The following LHX4 variants were observed in gnomAD, a reference collection of about 807,000 sequenced individuals.
LHX4 encodes the protein LIM/homeobox protein Lhx4.
In LHX4, 16 loss-of-function variants were observed where a neutral mutation model predicts 39.2. That is an observed-to-expected ratio of 0.41 (90% confidence interval 0.28 to 0.62). The LOEUF (loss-of-function observed/expected upper bound fraction) is 0.62, where lower values mean the gene tolerates loss of function less well. Ranked by LOEUF, LHX4 falls within the 20% of genes least tolerant of loss-of-function variation. The pLI is 0.33. For missense variants in LHX4, 439 were observed against 511.9 expected, an observed-to-expected ratio of 0.86 and a Z score of 1.37; for synonymous variants, 206 against 198.1, an observed-to-expected ratio of 1.04 and a Z score of -0.33.
chr1:180,274,528 T>C lies in LHX4; in HGVS notation c.1122T>C (p.Phe374=). 6.2e-7 allele frequency: 1 copy of C among 1,605,788 alleles called. No homozygotes were observed. ...GAAGCAGTGTAGGCTATCCCGACTT[T>C]CCAACTAGCCCAGGCTCTTGGCTCG... ...STGSSVGYPD[F]PTSPGSWLDE... The change falls in exon 6 of 6, where the codon TTT becomes TTC. Residue 374 remains phenylalanine (F), a synonymous_variant. Coordinates refer to ENST00000263726, the MANE Select transcript of LHX4 (RefSeq NM_033343.4).
Position 180,248,445 on chromosome 1 carries a change from G to A in LHX4, c.237G>A (p.Glu79=), listed in dbSNP as rs769210038. 6.8e-5 allele frequency: 109 copies of A among 1,614,060 alleles called. No individual in the cohort carries two copies. Among genetic ancestry groups the A allele is most frequent in the Non-Finnish European group, 8.9e-5 (105 of 1,180,056 alleles). Residue 79 remains glutamate (E), a synonymous_variant, in exon 2 of 6, where the codon GAG becomes GAA. Transcript: ENST00000263726. ...FSRAGSVYCK[E]DFFKRFGTKC... Reference sequence around the variant, plus strand: ...GGGCTGGGAGCGTCTACTGCAAGGAGGACTTCTTCAAGTAAGTCAGAACGG... The same window carrying A: ...GGGCTGGGAGCGTCTACTGCAAGGAAGACTTCTTCAAGTAAGTCAGAACGG...
intron 1 of LHX4, among the ~76,000 whole-genome samples, chr1:180,245,409 G>C (rs1647347930): frequency 6.6e-6 from 1 of 152,186 alleles, no homozygotes; most frequent in African/African-American, 2.4e-5. Flanking sequence ...GATGGCCCCT[G>C]ATGGCCCCTG....
At chr1:180,243,956 T>C (rs1282495326) in intron 1 of LHX4, among the ~76,000 whole-genome samples, 3 of 152,184 alleles carry the variant, frequency 2.0e-5, no homozygotes, top group African/African-American at 7.2e-5. Context: ...GTTGGGTTAG[T>C]CCATCTTCAG....
intron 1 of LHX4, among the ~76,000 whole-genome samples, chr1:180,236,223 G>A (rs1028965448): frequency 3.3e-5 from 5 of 151,908 alleles, no homozygotes; most frequent in African/African-American, 7.3e-5. Flanking sequence ...TGGGAGAGCC[G>A]GGAAACCAGC....
intron 1 of LHX4, among the ~76,000 whole-genome samples, chr1:180,231,752 G>C (rs1286340331): frequency 6.6e-6 from 1 of 152,046 alleles, no homozygotes; most frequent in East Asian, 1.9e-4. Context: ...AGTAAGGGCC[G>C]GCTCATCCAG....
chr1:180,255,969 C>T (rs978084418), intron 2 of LHX4, among the ~76,000 whole-genome samples: 4 of 152,206 alleles, frequency 2.6e-5, no homozygotes, highest in Admixed American at 6.5e-5. Flanking sequence ...TGTGGGCAGC[C>T]CTCTTTTGGC....
chr1:180,236,426 C>G (rs1664320892), intron 1 of LHX4, among the ~76,000 whole-genome samples: 1 of 152,168 alleles, frequency 6.6e-6, no homozygotes, highest in South Asian at 2.1e-4. Context: ...TTAGTGATTA[C>G]TTAGCATCCA....
upstream of LHX4, among the ~76,000 whole-genome samples, chr1:180,229,954 G>T (rs1664127128): frequency 1.2e-5 from 1 of 84,006 alleles, no homozygotes; most frequent in South Asian, 5.4e-4. Context: ...AGGCGGAGGC[G>T]GAGGCGGGGA....
chr1:180,266,835 G>A lies in LHX4; in HGVS notation c.451+241G>A, dbSNP rs1445510090. On this transcript the variant is annotated intron_variant, in intron 3 of 5. Coordinates refer to ENST00000263726, the MANE Select transcript of LHX4 (RefSeq NM_033343.4). This position sits in a 1 kb window ranked among gnomAD's most constrained non-coding sequence, Gnocchi z 5.7. ...ATCCAGCCATGGTTCCTGAGAGCCT[G>A]CCTGTCTCCATGGTAGGCTCAGAAG... 6.6e-6 allele frequency among the ~76,000 whole-genome samples: 1 copy of A among 152,226 alleles called. No homozygotes were observed.
intron 1 of LHX4, among the ~76,000 whole-genome samples, chr1:180,246,632 AC>A (rs2149255917): frequency 6.6e-6 from 1 of 152,258 alleles, no homozygotes; most frequent in Admixed American, 6.5e-5. Context: ...AATCACTTGA[AC>A]CCAGGAGGTG....
chr1:180,250,055 G>C (rs1049807518), intron 2 of LHX4, among the ~76,000 whole-genome samples: 1 of 152,162 alleles, frequency 6.6e-6, no homozygotes, highest in Non-Finnish European at 1.5e-5. Flanking sequence ...GCAAGTCCTT[G>C]ATGTTTGGGT....
chr1:180,235,818 C>T lies in LHX4; in HGVS notation c.76+5213C>T, dbSNP rs554401476. Among the ~76,000 whole-genome samples, 552 of 152,280 alleles carry T rather than the reference C, an allele frequency of 3.6e-3. 5 individuals are homozygous for T. The highest frequency in any genetic ancestry group is 0.027 in the Middle Eastern group (8 of 294). On this transcript the variant is annotated intron_variant, in intron 1 of 5. Coordinates refer to ENST00000263726, the MANE Select transcript of LHX4 (RefSeq NM_033343.4). ...CGGGTGCACTCACCGCACGAGAGGC[C>T]GCGGCTGGACTGGGACCGAGCGCAT...
In LHX4 at chr1:180,278,818, G is replaced by A. The variant is rs151152109; in HGVS notation, c.*4239G>A. 1 of 150,286 alleles carries A rather than the reference G, an allele frequency of 6.7e-6. No individual in the cohort carries two copies. Among genetic ancestry groups the A allele is most frequent in the East Asian group, 1.9e-4 (1 of 5,168 alleles). 9.3% of individuals were successfully genotyped at this position (150,286 alleles called of 1,614,324 possible). A position where few individuals can be genotyped will look rare whatever the true frequency, so the allele number is the denominator to read the frequency against. On this transcript the variant is annotated 3_prime_UTR_variant, in exon 6 of 6. Transcript: ENST00000263726. ...AAAGAGAAATGAAGTCTCGTTTCCT[G>A]GGGAAAAAAAAGAAAAAAAGAAAAA... is the stretch of plus-strand genomic sequence containing the variant.
chr1:180,260,912 G>A (rs962765125), intron 2 of LHX4, among the ~76,000 whole-genome samples: 2 of 151,854 alleles, frequency 1.3e-5, no homozygotes, highest in Non-Finnish European at 2.9e-5. Flanking sequence ...GGAGCTAGGG[G>A]TCGGCACCTC....
chr1:180,267,907 G>A (rs1432832405), intron 3 of LHX4, among the ~76,000 whole-genome samples: 1 of 152,128 alleles, frequency 6.6e-6, no homozygotes, highest in Non-Finnish European at 1.5e-5. Context: ...AGCTGGAGCT[G>A]GGTTTGGCTT....
chr1:180,243,978 C>T (rs1647282284), intron 1 of LHX4, among the ~76,000 whole-genome samples: 1 of 152,188 alleles, frequency 6.6e-6, no homozygotes, highest in Non-Finnish European at 1.5e-5. Context: ...AAAGCAGCAG[C>T]ACAGTCTATT....
chr1:180,233,353 G>C (rs1664224713), intron 1 of LHX4, among the ~76,000 whole-genome samples: 2 of 152,140 alleles, frequency 1.3e-5, no homozygotes, highest in South Asian at 4.1e-4. Context: ...CGCGGCCCCC[G>C]GTGCGGGCCT....
At position 180,276,750 on chromosome 1, in the gene LHX4, C is replaced by T. The variant is rs1649052850; in HGVS notation, c.*2171C>T. On this transcript the variant is annotated 3_prime_UTR_variant, in exon 6 of 6. Coordinates refer to ENST00000263726, the MANE Select transcript of LHX4 (RefSeq NM_033343.4). ...CACCCAGATCACTGTTGCAGGTTGA[C>T]TATTTGGCTTAGCAACTCATGGGAT... is the stretch of plus-strand genomic sequence containing the variant. The T allele has an allele frequency of 6.6e-6, 1 of 151,096 alleles. No individual in the cohort carries two copies. Among genetic ancestry groups the T allele is most frequent in the African/African-American group, 2.4e-5 (1 of 41,054 alleles). The allele number at this position is 151,096 out of a possible 1,614,324, so 9.4% of individuals were successfully genotyped here. A position where few individuals can be genotyped will look rare whatever the true frequency, so the allele number is the denominator to read the frequency against.
In LHX4 at chr1:180,230,568, C is replaced by G. The variant is rs779899263; in HGVS notation, c.39C>G (p.Val13=). ...CGACTGTCCCCGCGGAAGGGGCTGTCAAGGGGCTCCCGGAGATGCTAGGTG... is the reference window on the plus strand; with the variant it reads ...CGACTGTCCCCGCGGAAGGGGCTGTGAAGGGGCTCCCGGAGATGCTAGGTG... ...QSATVPAEGA[V]KGLPEMLGVP... is the part of the protein sequence containing the mutation. The change falls in exon 1 of 6, where the codon GTC becomes GTG. Residue 13 remains valine (V), a synonymous_variant. Coordinates refer to ENST00000263726, the MANE Select transcript of LHX4 (RefSeq NM_033343.4). This position sits in a 1 kb window ranked among gnomAD's most constrained non-coding sequence, Gnocchi z 5.8. The G allele has an allele frequency of 6.2e-7, 1 of 1,613,918 alleles. No homozygotes were observed. Among genetic ancestry groups the G allele is most frequent in the East Asian group, 2.2e-5 (1 of 44,880 alleles).
Sources: gnomAD v4.1 joint callset for allele counts (sites outside exome capture counted in the v4.1 genomes callset) on GRCh38, gnomAD v4.1.1 for gene constraint, Gnocchi (gnomAD v3.1) non-coding constraint, MANE v1.5 for transcripts, NCBI Gene and HGNC (gene_info 2026-07-23, HGNC 2026-07-21) for gene names.